EIF2AK1: variants seen among roughly 807,000 people sequenced by gnomAD.
EIF2AK1 encodes eukaryotic translation initiation factor 2 alpha kinase 1, also known as eukaryotic translation initiation factor 2-alpha kinase 1.
A neutral mutation model predicts 77.9 loss-of-function variants in EIF2AK1; 54 were observed. The ratio of observed to expected loss-of-function variants is 0.69; its 90% CI spans 0.56 to 0.87. EIF2AK1 has a LOEUF of 0.87. Ranked by LOEUF, EIF2AK1 falls within the 40% of genes least tolerant of loss-of-function variation. The pLI, the probability that EIF2AK1 is intolerant of heterozygous loss-of-function variation, is 0.00. For synonymous variants in EIF2AK1, 314 were observed against 290.5 expected (o/e 1.08, Z -0.82); for missense variants, 810 against 768.6 (o/e 1.05, Z -0.64).
chr7:6,023,806 A>T lies in EIF2AK1; in HGVS notation c.*867T>A, dbSNP rs572400687. On this transcript the variant is annotated 3_prime_UTR_variant, in exon 15 of 15. Transcript: ENST00000199389. The stretch of plus-strand genomic sequence containing the variant: ...AGTCTTTTTATTTAGGCCAGTTGTC[A>T]AGTGTCAATAAAAGCATCATGTAAT... 9.5e-6 allele frequency: 15 copies of T among 1,578,936 alleles called. 1 individual carries two copies. In the South Asian group the frequency reaches 1.6e-4, roughly 17 times the overall value.
rs776852681 is a variant in EIF2AK1 at position 6,048,793 on chromosome 7, T to G, written c.449+14A>C. The G allele has an allele frequency of 4.4e-6, 7 of 1,577,424 alleles. No homozygotes were observed. The highest frequency in any genetic ancestry group is 6.0e-6 in the Non-Finnish European group (7 of 1,164,266). The stretch of plus-strand genomic sequence containing the variant: ...TCAATAGTCTGCATAATCAAGAAAG[T>G]TTTTCACACATACCTGATTTTCTGG... On this transcript the variant is annotated intron_variant, in intron 4 of 14. Transcript: ENST00000199389.
chr7:6,048,892 G>T, intron 3 of EIF2AK1, 48 bp from the exon 4 acceptor site: 2 of 1,351,610 alleles, frequency 1.5e-6, no homozygotes, highest in South Asian at 1.3e-5. Context: ...AACTTGCATG[G>T]AATAAAGAAC....
At chr7:6,038,528 T>A in intron 10 of EIF2AK1, 32 bp downstream of exon 10, 1 of 1,571,778 alleles carries the variant, frequency 6.4e-7, no homozygotes, top group Non-Finnish European at 8.7e-7. Flanking sequence ...CTGTGTCTAT[T>A]TCCCGGCCCG....
At chr7:6,044,054 G>T in intron 7 of EIF2AK1, among the ~76,000 whole-genome samples, 1 of 150,524 alleles carries the variant, frequency 6.6e-6, no homozygotes, top group South Asian at 2.1e-4. Context: ...AGCAAAGATC[G>T]CGCCACTACA....
In EIF2AK1 at chr7:6,032,411, T is replaced by G. The variant is rs1013614419; in HGVS notation, c.1333-3379A>C. Among the ~76,000 whole-genome samples the G allele has an allele frequency of 6.6e-6, 1 of 152,186 alleles. No individual in the cohort carries two copies. Among genetic ancestry groups the G allele is most frequent in the Non-Finnish European group, 1.5e-5 (1 of 68,040 alleles). On this transcript the variant is annotated intron_variant, in intron 11 of 14. Coordinates refer to ENST00000199389, the MANE Select transcript of EIF2AK1 (RefSeq NM_014413.4). The surrounding 1 kb of genome is among the most constrained non-coding windows in gnomAD (Gnocchi z 4.3). ...AGACAGAACATATGCTGCGTTATATTTGAAAACCCTGAAGATTCAGGTTTT... is the reference window on the plus strand; with the variant it reads ...AGACAGAACATATGCTGCGTTATATGTGAAAACCCTGAAGATTCAGGTTTT...
rs755795081 is a variant in EIF2AK1 at position 6,048,848 on chromosome 7, C to A, written c.412-4G>T. ...GAGAAATATCCTCACAAGGATCCTA[C>A]AATTAAAAAATTGTTTTTAAAAAGC... On this transcript the variant is annotated splice_polypyrimidine_tract_variant and splice_region_variant and intron_variant, in intron 3 of 14. Transcript: ENST00000199389. 1.1e-5 allele frequency: 17 copies of A among 1,574,776 alleles called. No homozygotes were observed. The South Asian group carries it at 1.7e-4, about 16-fold the overall frequency.
At chr7:6,028,796 C>G (rs1408610629) in intron 12 of EIF2AK1, 99 bp from the exon 13 acceptor site, 1 of 1,414,434 alleles carries the variant, frequency 7.1e-7, no homozygotes, top group Non-Finnish European at 9.9e-7. Context: ...AAGAGAACAA[C>G]AGTTGCTTTG....
chr7:6,056,611 A>ATATAT (rs1360501857), intron 1 of EIF2AK1, among the ~76,000 whole-genome samples: 2 of 31,170 alleles, frequency 6.4e-5, no homozygotes, highest in South Asian at 9.0e-4. Context: ...AAAAAAAAAA[A>ATATAT]AAATATATAT....
At chr7:6,046,945 C>A in intron 5 of EIF2AK1, 47 bp downstream of exon 5, 1 of 1,429,366 alleles carries the variant, frequency 7.0e-7, no homozygotes, top group Non-Finnish European at 9.6e-7. Context: ...TATCTGAAAA[C>A]ACAATTATTT....
At chr7:6,044,476 T>C in intron 7 of EIF2AK1, 86 bp downstream of exon 7, 5 of 1,040,838 alleles carry the variant, frequency 4.8e-6, no homozygotes, top group East Asian at 2.5e-5. Context: ...GCTTGTGGTA[T>C]GTACAAAAAC....
rs184300213 is a variant in EIF2AK1, at chr7:6,031,242, G to A, written c.1333-2210C>T. On this transcript the variant is annotated intron_variant, in intron 11 of 14. Transcript: ENST00000199389. ...TCTGGACGCTTGGTTCCAAACTGAT[G>A]GATTGCCTTCACAGATCCAATTCTC... The A allele has an allele frequency of 1.2e-4, 99 of 828,136 alleles. No individual in the cohort carries two copies. The African/African-American group carries it at 1.6e-3, about 13-fold the overall frequency. 51.3% of individuals were successfully genotyped at this position (828,136 alleles called of 1,614,324 possible).
intron 5 of EIF2AK1, 63 bp downstream of exon 5, chr7:6,046,929 A>C: frequency 7.2e-7 from 1 of 1,389,194 alleles, no homozygotes; most frequent in Non-Finnish European, 9.8e-7. Context: ...AGAATAATGA[A>C]AACAATATCT....
At chr7:6,037,923 T>C (rs1583485453) in intron 10 of EIF2AK1, among the ~76,000 whole-genome samples, 1 of 151,714 alleles carries the variant, frequency 6.6e-6, no homozygotes, top group African/African-American at 2.4e-5. Flanking sequence ...TAGCCCACAG[T>C]GGATTAAAGA....
Position 6,041,020 on chromosome 7 carries a change from C to G in EIF2AK1, c.991G>C (p.Ala331Pro). 2 of 1,614,132 alleles carry G rather than the reference C, an allele frequency of 1.2e-6. No individual in the cohort carries two copies. The highest frequency in any genetic ancestry group is 1.7e-5 in the Admixed American group (1 of 60,006). The stretch of plus-strand genomic sequence containing the variant: ...ACAATTGAACTGGCAGACAAACCAG[C>G]CAAGCCATTTTCCTGGAGCTCCAGG... ...STLELQENGL[A>P]GLSASSIVEQ... Residue 331 changes from alanine to proline, a missense_variant, in exon 9 of 15, where the codon GCT becomes CCT. Physicochemically the swap from Ala to Pro is conservative, Grantham distance 27 (BLOSUM62 -1). This residue lies in a region of EIF2AK1 where 549 missense variants were observed against 533.7 expected (regional missense o/e 1.03). Coordinates refer to ENST00000199389, the MANE Select transcript of EIF2AK1 (RefSeq NM_014413.4).
intron 11 of EIF2AK1, among the ~76,000 whole-genome samples, chr7:6,030,586 C>T (rs529771341): frequency 4.6e-5 from 7 of 152,314 alleles, no homozygotes; most frequent in African/African-American, 1.7e-4. Context: ...GTAACCTCCA[C>T]CTCTCAGGTT....
At chr7:6,030,271 G>A (rs1011738077) in intron 11 of EIF2AK1, among the ~76,000 whole-genome samples, 20 of 152,144 alleles carry the variant, frequency 1.3e-4, no homozygotes, top group Non-Finnish European at 2.6e-4. Context: ...TGCAACTTAG[G>A]CGACGTCCGG....
rs1349618959 is a variant in EIF2AK1 at position 6,046,982 on chromosome 7, G to A, written c.549+10C>T. The A allele has an allele frequency of 1.3e-6, 2 of 1,596,848 alleles. No individual in the cohort carries two copies. The highest frequency in any genetic ancestry group is 1.7e-6 in the Non-Finnish European group (2 of 1,171,146). ...GGGTAGTAGGTCAAAACAAGTACGT[G>A]GAAGACAACCTTGTATACTCTTCCG... On this transcript the variant is annotated intron_variant, in intron 5 of 14. Coordinates refer to ENST00000199389, the MANE Select transcript of EIF2AK1 (RefSeq NM_014413.4).
chr7:6,054,467 G>T (rs1788694575), intron 2 of EIF2AK1, 79 bp downstream of exon 2: 14 of 1,526,224 alleles, frequency 9.2e-6, no homozygotes, highest in African/African-American at 1.4e-5. Context: ...GCCTCCCAAA[G>T]TGCTGGGATT....
At chr7:6,037,764 A>G (rs574547261) in intron 10 of EIF2AK1, among the ~76,000 whole-genome samples, 1 of 152,058 alleles carries the variant, frequency 6.6e-6, no homozygotes, top group South Asian at 2.1e-4. Flanking sequence ...TCAACCAGAA[A>G]CAAAGTACCT....
Sources: allele counts gnomAD v4.1 joint callset (sites outside exome capture counted in the v4.1 genomes callset), GRCh38; gene constraint gnomAD v4.1.1; regional missense constraint gnomAD v4.1.1; non-coding constraint Gnocchi (gnomAD v3.1); transcripts MANE v1.5; gene names NCBI Gene and HGNC (gene_info 2026-07-23, HGNC 2026-07-21).